The following LRRC4C variants were observed in gnomAD, a reference collection of about 807,000 sequenced individuals.
The protein encoded by LRRC4C is leucine-rich repeat-containing protein 4C.
In LRRC4C, 5 loss-of-function variants were observed where a neutral mutation model predicts 33.6. The observed-to-expected ratio is 0.15, with a 90% CI of 0.08 to 0.31. The LOEUF is 0.31. Among genes scored for constraint, LRRC4C ranks in the 10% least tolerant of loss-of-function variants. LRRC4C has a pLI of 1.00. For synonymous variants in LRRC4C, 329 were observed against 302.0 expected (o/e 1.09, Z -0.93); for missense variants, 560 against 796.7 (o/e 0.70, Z 3.58).
At chr11:41,334,718 G>A (rs771025916) in intron 1 of LRRC4C, among the ~76,000 whole-genome samples, 33 of 152,096 alleles carry the variant, frequency 2.2e-4, no homozygotes, top group African/African-American at 6.5e-4. Context: ...GGGTGTGATG[G>A]TGCATTCCTG....
chr11:41,306,558 T>A (rs1446418020), intron 1 of LRRC4C, among the ~76,000 whole-genome samples: 1 of 152,046 alleles, frequency 6.6e-6, no homozygotes, highest in African/African-American at 2.4e-5. Context: ...AAGTGGAGAG[T>A]ATCCTGCAGT....
intron 1 of LRRC4C, among the ~76,000 whole-genome samples, chr11:41,206,170 G>A (rs1946594190): frequency 6.6e-6 from 1 of 152,114 alleles, no homozygotes; most frequent in Non-Finnish European, 1.5e-5. Flanking sequence ...AAAAGAAAGT[G>A]AACAAAAGAT....
At chr11:40,479,761 TA>T (rs199806272) in intron 3 of LRRC4C, among the ~76,000 whole-genome samples, 1 of 152,194 alleles carries the variant, frequency 6.6e-6, no homozygotes, top group South Asian at 2.1e-4. Flanking sequence ...AGATTTTCAT[TA>T]AAAAAATCAG....
intron 1 of LRRC4C, among the ~76,000 whole-genome samples, chr11:41,102,175 C>T (rs1285764893): frequency 6.6e-6 from 1 of 151,892 alleles, no homozygotes; most frequent in Non-Finnish European, 1.5e-5. Flanking sequence ...ACTCTGCACA[C>T]TTGCTTATGG....
chr11:41,046,637 C>T (rs1388083009), intron 1 of LRRC4C, among the ~76,000 whole-genome samples: 1 of 152,122 alleles, frequency 6.6e-6, no homozygotes, highest in Non-Finnish European at 1.5e-5. Flanking sequence ...AAACTGTGCA[C>T]ATCTTGAGGT....
intron 4 of LRRC4C, among the ~76,000 whole-genome samples, chr11:40,291,122 G>A (rs1173724434): frequency 9.2e-5 from 14 of 152,112 alleles, no homozygotes; most frequent in South Asian, 6.2e-4. Flanking sequence ...AAAGTTATAT[G>A]AGTCTATGAT....
intron 6 of LRRC4C, among the ~76,000 whole-genome samples, chr11:40,122,008 C>G (rs1855861865): frequency 6.6e-6 from 1 of 152,114 alleles, no homozygotes. Context: ...CCTCTTTCCT[C>G]TTCTGGGGCT....
intron 4 of LRRC4C, among the ~76,000 whole-genome samples, chr11:40,266,901 T>C (rs1476115430): frequency 6.6e-6 from 1 of 152,098 alleles, no homozygotes; most frequent in Non-Finnish European, 1.5e-5. Context: ...TTCCAGAAGT[T>C]TGGATTTCGG....
At chr11:40,360,050 T>C (rs578180755) in intron 3 of LRRC4C, among the ~76,000 whole-genome samples, 1 of 152,190 alleles carries the variant, frequency 6.6e-6, no homozygotes, top group Admixed American at 6.5e-5. Flanking sequence ...CAATATTCAA[T>C]CTTAAAAATT....
intron 1 of LRRC4C, among the ~76,000 whole-genome samples, chr11:40,995,269 G>T (rs1853887440): frequency 6.6e-6 from 1 of 151,988 alleles, no homozygotes; most frequent in Admixed American, 6.6e-5. Flanking sequence ...TGTCTGCAGA[G>T]CTATGTCATC....
chr11:40,615,961 C>T (rs1352959002), intron 3 of LRRC4C, among the ~76,000 whole-genome samples: 1 of 151,572 alleles, frequency 6.6e-6, no homozygotes, highest in Non-Finnish European at 1.5e-5. Context: ...AATAGTTGTG[C>T]AAGTTTTAAA....
chr11:40,585,476 CT>C lies in LRRC4C; in HGVS notation c.-270+62665del, dbSNP rs112444074. Among the ~76,000 whole-genome samples the C allele has an allele frequency of 5.3e-3, 772 of 146,896 alleles. 8 individuals carry two copies. The highest frequency in any genetic ancestry group is 0.012 in the African/African-American group (491 of 40,166). ...TTACTGAAATTTGAATTTGTTATTTCTTTTTTTTTTTATACTTTAAGTTTTA... is the reference window on the plus strand; with the variant it reads ...TTACTGAAATTTGAATTTGTTATTTCTTTTTTTTTTATACTTTAAGTTTTA... On this transcript the variant is annotated intron_variant, in intron 3 of 6. Coordinates refer to ENST00000528697, the MANE Select transcript of LRRC4C (RefSeq NM_001258419.2).
intron 1 of LRRC4C, among the ~76,000 whole-genome samples, chr11:41,080,988 T>C (rs1939530092): frequency 6.6e-6 from 1 of 152,208 alleles, no homozygotes; most frequent in African/African-American, 2.4e-5. Flanking sequence ...CTCTTCACTT[T>C]GGGTTCAGTT....
chr11:40,233,879 G>T (rs1484914346), intron 5 of LRRC4C, among the ~76,000 whole-genome samples: 1 of 152,134 alleles, frequency 6.6e-6, no homozygotes, highest in East Asian at 1.9e-4. Context: ...TTAGGTATAT[G>T]AATAATAAGA....
chr11:40,525,318 C>T (rs540207134), intron 3 of LRRC4C, among the ~76,000 whole-genome samples: 21 of 152,102 alleles, frequency 1.4e-4, no homozygotes, highest in South Asian at 4.2e-4. Flanking sequence ...TGGTGCCACA[C>T]GCCTGTAGTC....
intron 1 of LRRC4C, among the ~76,000 whole-genome samples, chr11:41,248,116 A>T (rs1948512916): frequency 6.6e-6 from 1 of 152,196 alleles, no homozygotes; most frequent in Non-Finnish European, 1.5e-5. Flanking sequence ...TCAAGTAAAT[A>T]AGCTTATCTT....
At chr11:40,989,587 T>C (rs1176207794) in intron 1 of LRRC4C, among the ~76,000 whole-genome samples, 1 of 152,154 alleles carries the variant, frequency 6.6e-6, no homozygotes, top group Non-Finnish European at 1.5e-5. Flanking sequence ...CATAACATTC[T>C]GGTTAGAAGG....
intron 5 of LRRC4C, among the ~76,000 whole-genome samples, chr11:40,201,158 A>G (rs1862720291): frequency 2.0e-5 from 3 of 152,192 alleles, no homozygotes; most frequent in African/African-American, 7.2e-5. Context: ...CGCAAGGCAG[A>G]AGGCACACAC....
intron 3 of LRRC4C, among the ~76,000 whole-genome samples, chr11:40,568,081 A>G (rs1360909316): frequency 6.6e-6 from 1 of 152,210 alleles, no homozygotes; most frequent in African/African-American, 2.4e-5. Flanking sequence ...ACCTCAGGAC[A>G]TGCTTCAAAC....
Sources: allele counts gnomAD v4.1 joint callset (sites outside exome capture counted in the v4.1 genomes callset), GRCh38; gene constraint gnomAD v4.1.1; transcripts MANE v1.5; gene names NCBI Gene and HGNC (gene_info 2026-07-23, HGNC 2026-07-21).